Variants in NDUFB9 observed in about 807,000 individuals in gnomAD.
The protein encoded by NDUFB9 is NADH:ubiquinone oxidoreductase subunit B9.
NDUFB9 carries 24 observed loss-of-function variants against 30.2 expected under a neutral mutation model. That is an observed-to-expected ratio of 0.80 (90% CI 0.58 to 1.12). The LOEUF is 1.12. NDUFB9 is among the 50% of genes most tolerant of loss of function. The pLI, the probability that NDUFB9 is intolerant of heterozygous loss-of-function variation, is 0.00. For missense variants in NDUFB9, 204 were observed against 226.0 expected, an observed-to-expected ratio of 0.90 and a Z score of 0.62; for synonymous variants, 80 against 84.0, an observed-to-expected ratio of 0.95 and a Z score of 0.26.
intron 3 of NDUFB9, among the ~76,000 whole-genome samples, chr8:124,548,410 T>A (rs1454093901): frequency 6.6e-6 from 1 of 152,168 alleles, no homozygotes; most frequent in Non-Finnish European, 1.5e-5. Flanking sequence ...TTCCTTTTTT[T>A]AGTGAAATAA....
chr8:124,549,252 G>C (rs935389116), intron 3 of NDUFB9, among the ~76,000 whole-genome samples: 2 of 152,226 alleles, frequency 1.3e-5, no homozygotes, highest in African/African-American at 4.8e-5. Flanking sequence ...TGGCAGAACT[G>C]AGCATATTTT....
At chr8:124,539,702 T>G (rs1821852726) in intron 1 of NDUFB9, among the ~76,000 whole-genome samples, 1 of 152,092 alleles carries the variant, frequency 6.6e-6, no homozygotes, top group African/African-American at 2.4e-5. Context: ...ACTCTAGGAG[T>G]TAGGAATTAT....
At position 124,547,471 on chromosome 8, in the gene NDUFB9, A is replaced by G. The variant is rs528649740; in HGVS notation, c.408+358A>G. On this transcript the variant is annotated intron_variant, in intron 3 of 3. Transcript: ENST00000276689. ...GGTCAGTTATATTTTTAAAAGCTCA[A>G]TCTTGCTGTAGTGTGAAGAATATAT... 1.5e-4 allele frequency: 85 copies of G among 571,968 alleles called. No individual in the cohort carries two copies. In the South Asian group the frequency reaches 1.7e-3, roughly 12 times the overall value. 35.4% of individuals were successfully genotyped at this position (571,968 alleles called of 1,614,324 possible). A position where few individuals can be genotyped will look rare whatever the true frequency, so the allele number is the denominator to read the frequency against.
At chr8:124,544,150 C>T (rs115486236) in intron 2 of NDUFB9, among the ~76,000 whole-genome samples, 99 of 152,280 alleles carry the variant, frequency 6.5e-4, no homozygotes, top group African/African-American at 2.0e-3. Context: ...AAACCAGCCA[C>T]GACATTCCCT....
intron 2 of NDUFB9, among the ~76,000 whole-genome samples, chr8:124,543,830 C>T (rs963994359): frequency 2.0e-5 from 3 of 152,174 alleles, no homozygotes; most frequent in Non-Finnish European, 2.9e-5. Context: ...GGACAATTAA[C>T]GACCATACCA....
intron 1 of NDUFB9, among the ~76,000 whole-genome samples, chr8:124,542,298 C>T (rs950631441): frequency 1.3e-5 from 2 of 151,984 alleles, no homozygotes; most frequent in East Asian, 1.9e-4. Context: ...GTGATCCACA[C>T]GCCTTGGCCT....
chr8:124,547,989 GAAAA>G (rs111867941), intron 3 of NDUFB9, among the ~76,000 whole-genome samples: 1 of 147,366 alleles, frequency 6.8e-6, no homozygotes, highest in Non-Finnish European at 1.5e-5. Context: ...CATCCCAAAA[GAAAA>G]AAAAAAGAGA....
At position 124,546,664 on chromosome 8, in the gene NDUFB9, G is replaced by A. The variant is rs555303980; in HGVS notation, c.295-336G>A. The A allele has an allele frequency of 9.2e-5, 32 of 349,402 alleles. No homozygotes were observed. In the South Asian group the frequency reaches 1.0e-3, roughly 11 times the overall value. 21.6% of individuals were successfully genotyped at this position (349,402 alleles called of 1,614,324 possible). A position where few individuals can be genotyped will look rare whatever the true frequency, so the allele number is the denominator to read the frequency against. ...TTAAAGTTAACCAACTTGGATTGGT[G>A]CTTAATATTTCTGAGATACTCTAAT... On this transcript the variant is annotated intron_variant, in intron 2 of 3. Transcript: ENST00000276689.
intron 2 of NDUFB9, among the ~76,000 whole-genome samples, chr8:124,545,278 G>T (rs1442710612): frequency 6.6e-6 from 1 of 152,184 alleles, no homozygotes; most frequent in Non-Finnish European, 1.5e-5. Context: ...CTCCAATTTT[G>T]CAAGAAGTTC....
chr8:124,540,920 A>G (rs868316024), intron 1 of NDUFB9, among the ~76,000 whole-genome samples: 3 of 152,322 alleles, frequency 2.0e-5, no homozygotes, highest in Middle Eastern at 6.8e-3. Context: ...CTATAATCCC[A>G]GTACTTTGGG....
rs547450025 is a variant in NDUFB9 at position 124,545,340 on chromosome 8, G to T, written c.295-1660G>T. On this transcript the variant is annotated intron_variant, in intron 2 of 3. Transcript: ENST00000276689. ...GCATCACATGCTATAGAAGTGTTTG[G>T]TGTAAGGAAGAGTCAGTTGATGTCG... Among the ~76,000 whole-genome samples, 3 of 152,272 alleles carry T rather than the reference G, an allele frequency of 2.0e-5. No homozygotes were observed. The East Asian group carries it at 5.8e-4, about 29-fold the overall frequency.
At chr8:124,549,029 T>C (rs1437157126) in intron 3 of NDUFB9, among the ~76,000 whole-genome samples, 3 of 152,252 alleles carry the variant, frequency 2.0e-5, no homozygotes, top group African/African-American at 7.2e-5. Context: ...GTTTAGAAGC[T>C]TGAAGTATAT....
chr8:124,544,315 G>A (rs544971198), intron 2 of NDUFB9, among the ~76,000 whole-genome samples: 1 of 152,354 alleles, frequency 6.6e-6, no homozygotes, highest in Admixed American at 6.5e-5. Flanking sequence ...GATGTGCAAG[G>A]TGAAGCAACA....
chr8:124,542,709 A>G (rs1259061630), intron 1 of NDUFB9, among the ~76,000 whole-genome samples: 1 of 151,984 alleles, frequency 6.6e-6, no homozygotes, highest in East Asian at 1.9e-4. Context: ...AATTTAGCAT[A>G]GTGACTAGCA....
At chr8:124,547,551 T>C (rs1822192695) in intron 3 of NDUFB9, 1 of 390,546 alleles carries the variant, frequency 2.6e-6, no homozygotes, top group African/African-American at 2.0e-5. Context: ...TGCAGAAGTT[T>C]AGTCAAAAGG....
At chr8:124,541,205 A>G (rs1395357205) in intron 1 of NDUFB9, among the ~76,000 whole-genome samples, 1 of 151,888 alleles carries the variant, frequency 6.6e-6, no homozygotes, top group Non-Finnish European at 1.5e-5. Flanking sequence ...AAGATCACCA[A>G]CCGTTCTCTC....
intron 1 of NDUFB9, 166 bp downstream of exon 1, chr8:124,539,453 C>T: frequency 1.5e-6 from 1 of 654,614 alleles, no homozygotes; most frequent in South Asian, 1.8e-5. Flanking sequence ...CCAGGCTTCG[C>T]CACTTATGGC....
intron 1 of NDUFB9, among the ~76,000 whole-genome samples, chr8:124,541,683 A>G (rs2131604063): frequency 6.6e-6 from 1 of 151,918 alleles, no homozygotes; most frequent in Middle Eastern, 3.4e-3. Context: ...GGCTCACCGC[A>G]AGTTCCGTCT....
intron 3 of NDUFB9, chr8:124,547,423 G>C (rs1822189935): frequency 3.3e-6 from 2 of 598,696 alleles, no homozygotes; most frequent in South Asian, 4.1e-5. Context: ...ATTTTCTTAG[G>C]CATTTTTCAG....
Sources: gnomAD v4.1 joint callset for allele counts (sites outside exome capture counted in the v4.1 genomes callset) on GRCh38, gnomAD v4.1.1 for gene constraint, MANE v1.5 for transcripts, NCBI Gene and HGNC (gene_info 2026-07-23, HGNC 2026-07-21) for gene names.